The following RBPJ variants were observed in gnomAD, a reference collection of about 807,000 sequenced individuals.
RBPJ encodes recombining binding protein suppressor of hairless.
In RBPJ, 9 loss-of-function variants were observed where a neutral mutation model predicts 67.8. The ratio of observed to expected loss-of-function variants is 0.13; its 90% CI spans 0.08 to 0.23. The LOEUF (loss-of-function observed/expected upper bound fraction) is 0.23, where lower values mean the gene tolerates loss of function less well. RBPJ is among the 10% of genes least tolerant of loss of function. RBPJ has a pLI of 1.00. For synonymous variants in RBPJ, 198 were observed against 203.3 expected, an observed-to-expected ratio of 0.97 and a Z score of 0.22; for missense variants, 305 against 595.6, an observed-to-expected ratio of 0.51 and a Z score of 5.08.
At chr4:26,105,701 A>C in the RBPJ span, among the ~76,000 whole-genome samples, 1 of 152,252 alleles carries the variant, frequency 6.6e-6, no homozygotes, top group Non-Finnish European at 1.5e-5. Context: ...AAAAACAAGA[A>C]CAAAAACATG....
chr4:26,287,360 C>T (rs1270258761), intron 1 of RBPJ, among the ~76,000 whole-genome samples: 3 of 151,500 alleles, frequency 2.0e-5, no homozygotes, highest in Non-Finnish European at 4.4e-5. Context: ...GGCAGCATAG[C>T]GAGACCCCAT....
chr4:26,283,048 A>G (rs1276061910), intron 1 of RBPJ, among the ~76,000 whole-genome samples: 7 of 142,506 alleles, frequency 4.9e-5, no homozygotes. Flanking sequence ...CTCCTGCCTC[A>G]GCCTCCCAAG....
At chr4:26,258,486 C>T (rs1267114070) in intron 1 of RBPJ, among the ~76,000 whole-genome samples, 1 of 152,192 alleles carries the variant, frequency 6.6e-6, no homozygotes, top group Non-Finnish European at 1.5e-5. Context: ...CTGCCTTTTC[C>T]ACTCCCCATT....
intron 1 of RBPJ, among the ~76,000 whole-genome samples, chr4:26,278,497 T>C (rs1721153410): frequency 6.6e-6 from 1 of 152,242 alleles, no homozygotes; most frequent in African/African-American, 2.4e-5. Context: ...ATAAAATTGA[T>C]GTGCATATTC....
At chr4:26,111,624 C>T in the RBPJ span, among the ~76,000 whole-genome samples, 1 of 152,212 alleles carries the variant, frequency 6.6e-6, no homozygotes, top group Non-Finnish European at 1.5e-5. Flanking sequence ...GCCTCCAGTC[C>T]CTCATGGGAA....
intron 1 of RBPJ, among the ~76,000 whole-genome samples, chr4:26,252,670 G>A (rs1033301570): frequency 1.3e-5 from 2 of 152,146 alleles, no homozygotes; most frequent in African/African-American, 2.4e-5. Flanking sequence ...AGTTGCATAC[G>A]TTGCTCGAGT....
At chr4:26,254,751 C>T (rs999296862) in intron 1 of RBPJ, among the ~76,000 whole-genome samples, 1 of 145,104 alleles carries the variant, frequency 6.9e-6, no homozygotes, top group Non-Finnish European at 1.5e-5. Flanking sequence ...AATCTCGGCT[C>T]ACTGCAGCCT....
At chr4:26,359,240 G>GT (rs2109484727) in intron 1 of RBPJ, among the ~76,000 whole-genome samples, 1 of 152,166 alleles carries the variant, frequency 6.6e-6, no homozygotes. Flanking sequence ...GGAAAATACT[G>GT]TATGTAGTTA....
At chr4:26,214,005 C>T (rs1560213417) in intron 1 of RBPJ, among the ~76,000 whole-genome samples, 1 of 151,980 alleles carries the variant, frequency 6.6e-6, no homozygotes, top group Non-Finnish European at 1.5e-5. Flanking sequence ...CACTTAGCAA[C>T]ATGGAAGAAC....
chr4:26,341,563 G>A (rs184299137), intron 1 of RBPJ, among the ~76,000 whole-genome samples: 128 of 151,852 alleles, frequency 8.4e-4, no homozygotes, highest in African/African-American at 2.8e-3. Flanking sequence ...GCAGTGAGCC[G>A]AGATTGCACC....
rs369130609 is a variant in RBPJ, at chr4:26,362,551, G to A, written c.21-23802G>A. ...ATGATACAGATACACTGGCTGAGGT[G>A]TTTTGAGGTGCATCGAAGTGTTCCA... is the stretch of plus-strand genomic sequence containing the variant. On this transcript the variant is annotated intron_variant, in intron 1 of 10. Transcript: ENST00000355476. 374 of 1,610,180 alleles carry A rather than the reference G, an allele frequency of 2.3e-4. No homozygotes were observed. In the African/African-American group the frequency reaches 4.6e-3, roughly 20 times the overall value.
intron 1 of RBPJ, among the ~76,000 whole-genome samples, chr4:26,304,752 A>G (rs1171834178): frequency 6.7e-6 from 1 of 149,138 alleles, no homozygotes; most frequent in Non-Finnish European, 1.5e-5. Context: ...CCCATTTCAC[A>G]TATATTTGAT....
intron 1 of RBPJ, among the ~76,000 whole-genome samples, chr4:26,210,674 C>CTT (rs1718357783): frequency 8.5e-5 from 2 of 23,484 alleles, no homozygotes; most frequent in Non-Finnish European, 2.1e-4. Flanking sequence ...TTCTTTCTTT[C>CTT]TTTCTTTCTT....
In RBPJ at chr4:26,178,436, G is replaced by A. The variant is rs568946007; in HGVS notation, c.-167+14822G>A. On this transcript the variant is annotated intron_variant, in intron 1 of 4. Transcript: ENST00000512351. ...TGCTTGAAGCCAGTAGCAAGTCCCT[G>A]TCTGTACAAAAATTTTTTTTAATTA... Among the ~76,000 whole-genome samples the A allele has an allele frequency of 3.3e-5, 5 of 152,136 alleles. No individual in the cohort carries two copies. In the South Asian group the frequency reaches 1.0e-3, roughly 32 times the overall value.
At chr4:26,184,769 A>G (rs1226705796) in intron 1 of RBPJ, among the ~76,000 whole-genome samples, 1 of 152,220 alleles carries the variant, frequency 6.6e-6, no homozygotes, top group Non-Finnish European at 1.5e-5. Flanking sequence ...AAAGTCCCAT[A>G]GTTGCCCAGA....
At chr4:26,309,809 G>A (rs1367368321) in intron 1 of RBPJ, among the ~76,000 whole-genome samples, 1 of 152,164 alleles carries the variant, frequency 6.6e-6, no homozygotes, top group African/African-American at 2.4e-5. Context: ...TCTTGTGTAG[G>A]TAGTGTTAAC....
At chr4:26,387,002 A>G (rs1730982740) in intron 2 of RBPJ, among the ~76,000 whole-genome samples, 1 of 152,098 alleles carries the variant, frequency 6.6e-6, no homozygotes, top group African/African-American at 2.4e-5. Context: ...TGAGATATAT[A>G]TATATATGTA....
intron 1 of RBPJ, among the ~76,000 whole-genome samples, chr4:26,346,034 CAA>C (rs561146960): frequency 6.6e-6 from 1 of 152,080 alleles, no homozygotes; most frequent in African/African-American, 2.4e-5. Flanking sequence ...CACACACACA[CAA>C]ACACAAATTG....
At chr4:26,379,626 A>G (rs991584977) in intron 1 of RBPJ, among the ~76,000 whole-genome samples, 2 of 152,282 alleles carry the variant, frequency 1.3e-5, no homozygotes, top group Non-Finnish European at 2.9e-5. Flanking sequence ...AACCTCCTCC[A>G]TGATCACCTG....
Sources: gnomAD v4.1 joint callset for allele counts (sites outside exome capture counted in the v4.1 genomes callset) on GRCh38, gnomAD v4.1.1 for gene constraint, MANE v1.5 for transcripts, NCBI Gene and HGNC (gene_info 2026-07-23, HGNC 2026-07-21) for gene names.